RAB36: variants seen among roughly 807,000 people sequenced by gnomAD.
RAB36 encodes RAB36, member RAS oncogene family.
RAB36 carries 33 observed loss-of-function variants against 39.3 expected under a neutral mutation model. The ratio of observed to expected loss-of-function variants is 0.84; its 90% CI spans 0.64 to 1.12. The LOEUF (loss-of-function observed/expected upper bound fraction) is 1.12, where lower values mean the gene tolerates loss of function less well. RAB36 is among the 50% of genes most tolerant of loss of function. RAB36 has a pLI of 0.00. For synonymous variants in RAB36, 133 were observed against 140.2 expected (o/e 0.95, Z 0.36); for missense variants, 308 against 355.3 (o/e 0.87, Z 1.07).
At chr22:23,145,583 C>T (rs941705257) in intron 1 of RAB36, 32 bp downstream of exon 1, 5 of 1,582,102 alleles carry the variant, frequency 3.2e-6, no homozygotes, top group East Asian at 2.3e-5. Flanking sequence ...GTCCGACCCT[C>T]CCGGTCACCC....
rs1281102860 is a variant in RAB36, at chr22:23,160,947, C to G, written c.688C>G (p.Leu230Val). The G allele has an allele frequency of 3.7e-6, 6 of 1,613,758 alleles. No homozygotes were observed. The highest frequency in any genetic ancestry group is 5.1e-6 in the Non-Finnish European group (6 of 1,179,840). The change falls in exon 10 of 11, where the codon CTG becomes GTG. Residue 230 changes from leucine (L) to valine (V), a missense_variant. Leu to Val is a conservative substitution (Grantham distance 32). Transcript: ENST00000263116. ...ATTCGAGCAGTCGGTGCTGCAGGAC[C>G]TGGAGAGGCAGAGCAGTGCCCGGCT... ...LAFEQSVLQDLERQSSARLQV... is the reference protein window; with the variant it reads ...LAFEQSVLQDVERQSSARLQV...
intron 2 of RAB36, among the ~76,000 whole-genome samples, chr22:23,149,656 GC>G (rs1386965399): frequency 1.3e-5 from 2 of 152,210 alleles, no homozygotes; most frequent in Non-Finnish European, 2.9e-5. Context: ...TTCCACCTCA[GC>G]CTCCTCAGTA....
chr22:23,169,135 T>C (rs773464228), downstream of RAB36, among the ~76,000 whole-genome samples: 3 of 152,198 alleles, frequency 2.0e-5, no homozygotes, highest in Non-Finnish European at 4.4e-5. Flanking sequence ...GGCCCAGGTC[T>C]GGAAGGGAAG....
In RAB36 at chr22:23,164,505, C is replaced by T. The variant is rs995198446; in HGVS notation, c.*2941C>T. 1.3e-5 allele frequency among the ~76,000 whole-genome samples: 2 copies of T among 152,158 alleles called. No homozygotes were observed. Among genetic ancestry groups the T allele is most frequent in the East Asian group, 1.9e-4 (1 of 5,188 alleles). On this transcript the variant is annotated 3_prime_UTR_variant, in exon 11 of 11. Transcript: ENST00000263116. ...ACCCCAAGTTGATGCAGCATCTTCTCGGTCAGAATTGCTTCAGGGTGGTTT... is the reference window on the plus strand; with the variant it reads ...ACCCCAAGTTGATGCAGCATCTTCTTGGTCAGAATTGCTTCAGGGTGGTTT...
rs373643310 is a variant in RAB36 at position 23,156,051 on chromosome 22, C to T, written c.394+19C>T. ...GCCCAGGGTGAGCAACATGCCACGTCGGGGCTCAACTGCATGCAGCAGCGG... is the reference window on the plus strand; with the variant it reads ...GCCCAGGGTGAGCAACATGCCACGTTGGGGCTCAACTGCATGCAGCAGCGG... On this transcript the variant is annotated intron_variant, in intron 6 of 10. Transcript: ENST00000263116. 2.9e-5 allele frequency: 47 copies of T among 1,604,794 alleles called. No individual in the cohort carries two copies. In the Middle Eastern group the frequency reaches 6.6e-4, roughly 23 times the overall value.
At chr22:23,146,148 T>C in intron 1 of RAB36, 1 of 385,838 alleles carries the variant, frequency 2.6e-6, no homozygotes. Context: ...GCCTGCTGTA[T>C]GCAGATTGAG....
chr22:23,166,363 G>A, downstream of RAB36, among the ~76,000 whole-genome samples: 1 of 147,392 alleles, frequency 6.8e-6, no homozygotes, highest in African/African-American at 2.5e-5. Context: ...CCAATATGGG[G>A]GGGTGGGGTG....
Position 23,163,163 on chromosome 22 carries a change from G to A in RAB36, c.*1599G>A, listed in dbSNP as rs1487275528. ...TGATCTCAGGTGACCTGCCCACCTC[G>A]GCCTCCCGAAGTGCTGGGATTACAA... On this transcript the variant is annotated 3_prime_UTR_variant, in exon 11 of 11. Coordinates refer to ENST00000263116, the MANE Select transcript of RAB36 (RefSeq NM_004914.5). 2 of 167,616 alleles carry A rather than the reference G, an allele frequency of 1.2e-5. No homozygotes were observed. Among genetic ancestry groups the A allele is most frequent in the Non-Finnish European group, 2.6e-5 (2 of 78,048 alleles). 10.4% of individuals were successfully genotyped at this position (167,616 alleles called of 1,614,324 possible).
In RAB36 at chr22:23,162,191, T is replaced by G. The variant is rs2071846871; in HGVS notation, c.*627T>G. 1 of 179,842 alleles carries G rather than the reference T, an allele frequency of 5.6e-6. No individual in the cohort carries two copies. The highest frequency in any genetic ancestry group is 1.2e-5 in the Non-Finnish European group (1 of 85,466). The allele number at this position is 179,842 out of a possible 1,614,324, so 11.1% of individuals were successfully genotyped here. A position where few individuals can be genotyped will look rare whatever the true frequency, so the allele number is the denominator to read the frequency against. ...CCTCTGGAGGACAATGGACAAAATG[T>G]CTCTTAGACCTGTTCTGGCTGAAGG... On this transcript the variant is annotated 3_prime_UTR_variant, in exon 11 of 11. Coordinates refer to ENST00000263116, the MANE Select transcript of RAB36 (RefSeq NM_004914.5).
In RAB36 at chr22:23,146,643, GC is replaced by G. The variant is rs944839458; in HGVS notation, c.32del (p.Pro11LeufsTer2). 11 of 1,614,022 alleles carry G rather than the reference GC, an allele frequency of 6.8e-6. No individual in the cohort carries two copies. Among genetic ancestry groups the G allele is most frequent in the Non-Finnish European group, 9.3e-6 (11 of 1,179,932 alleles). On this transcript the variant is annotated frameshift_variant, in exon 2 of 11. Transcript: ENST00000263116. LOFTEE classifies it high-confidence loss of function. MRSSLTPLG[P>X]PVSRDRVIAS... ...TGAGGTCCTCCCTGACACCTTTGGG[GC>G]CCCCTGTGAGCCGCGACCGTGTCAT...
rs1256887013 is a variant in RAB36 at position 23,153,538 on chromosome 22, TC to T, written c.329+405del. On this transcript the variant is annotated intron_variant, in intron 5 of 10. Coordinates refer to ENST00000263116, the MANE Select transcript of RAB36 (RefSeq NM_004914.5). Reference sequence around the variant, plus strand: ...CTCTGTTCCCACCTGTAAAATGGGGTCAAATCCAGTCCCTGCATGCCAGGCT... The same window carrying T: ...CTCTGTTCCCACCTGTAAAATGGGGTAAATCCAGTCCCTGCATGCCAGGCT... 5.1e-6 allele frequency: 5 copies of T among 983,282 alleles called. No homozygotes were observed. In the African/African-American group the frequency reaches 8.8e-5, roughly 17 times the overall value. The allele number at this position is 983,282 out of a possible 1,614,324, so 60.9% of individuals were successfully genotyped here.
intron 8 of RAB36, 89 bp from the exon 9 acceptor site, chr22:23,159,074 G>A: frequency 6.3e-7 from 1 of 1,586,768 alleles, no homozygotes; most frequent in South Asian, 1.1e-5. Flanking sequence ...GAGGGAGGCA[G>A]CACAGTGGGA....
At chr22:23,166,715 G>A (rs138103310), downstream of RAB36, among the ~76,000 whole-genome samples, 6 of 151,954 alleles carry the variant, frequency 3.9e-5, no homozygotes, top group African/African-American at 1.2e-4. Context: ...AGCCTCACAC[G>A]ATGTTGTTAA....
chr22:23,146,395 G>T (rs1321694180), intron 1 of RAB36, among the ~76,000 whole-genome samples: 1 of 150,268 alleles, frequency 6.7e-6, no homozygotes, highest in Non-Finnish European at 1.5e-5. Flanking sequence ...TTTTTTTGTA[G>T]AGACTGAGGT....
intron 6 of RAB36, among the ~76,000 whole-genome samples, chr22:23,157,466 A>G (rs891197504): frequency 4.6e-5 from 7 of 151,982 alleles, no homozygotes; most frequent in Non-Finnish European, 1.0e-4. Context: ...TCACTGTGTT[A>G]GCCAGGATGG....
intron 9 of RAB36, among the ~76,000 whole-genome samples, chr22:23,160,554 G>A (rs2146594017): frequency 6.6e-6 from 1 of 152,344 alleles, no homozygotes; most frequent in East Asian, 1.9e-4. Flanking sequence ...TCCAACACTT[G>A]GGCCATAGTA....
In RAB36 at chr22:23,161,688, C is replaced by G; in HGVS notation, c.*124C>G. ...CGCCCTCAAGCTGTAGGCCCATGTT[C>G]CAGTCCCTCCACCCACCCACCGGGC... On this transcript the variant is annotated 3_prime_UTR_variant, in exon 11 of 11. Coordinates refer to ENST00000263116, the MANE Select transcript of RAB36 (RefSeq NM_004914.5). 5.0e-6 allele frequency: 4 copies of G among 802,626 alleles called. No individual in the cohort carries two copies. In the South Asian group the frequency reaches 7.0e-5, roughly 14 times the overall value. 49.7% of individuals were successfully genotyped at this position (802,626 alleles called of 1,614,324 possible).
rs1362036859 is a variant in RAB36 at position 23,162,723 on chromosome 22, C to T, written c.*1159C>T. The T allele has an allele frequency of 2.2e-6, 1 of 456,248 alleles. No homozygotes were observed. Among genetic ancestry groups the T allele is most frequent in the Admixed American group, 2.3e-5 (1 of 42,576 alleles). 28.3% of individuals were successfully genotyped at this position (456,248 alleles called of 1,614,324 possible). A position where few individuals can be genotyped will look rare whatever the true frequency, so the allele number is the denominator to read the frequency against. On this transcript the variant is annotated 3_prime_UTR_variant, in exon 11 of 11. Coordinates refer to ENST00000263116, the MANE Select transcript of RAB36 (RefSeq NM_004914.5). Reference sequence around the variant, plus strand: ...TCATCCCACCCGTCTCGTGCTGTTGCTTCCCGTAGATGGCGAGCACCTTGC... The same window carrying T: ...TCATCCCACCCGTCTCGTGCTGTTGTTTCCCGTAGATGGCGAGCACCTTGC...
In RAB36 at chr22:23,162,591, C is replaced by T. The variant is rs533673884; in HGVS notation, c.*1027C>T. 1.3e-5 allele frequency: 6 copies of T among 454,324 alleles called. No homozygotes were observed. The Admixed American group carries it at 1.4e-4, about 11-fold the overall frequency. The allele number at this position is 454,324 out of a possible 1,614,324, so 28.1% of individuals were successfully genotyped here. A position where few individuals can be genotyped will look rare whatever the true frequency, so the allele number is the denominator to read the frequency against. ...GCACATGCAGAGCAGACAGAAATAC[C>T]CCACACATTCCCCAGCCTCTCTGCC... On this transcript the variant is annotated 3_prime_UTR_variant, in exon 11 of 11. Coordinates refer to ENST00000263116, the MANE Select transcript of RAB36 (RefSeq NM_004914.5).
Sources: allele counts gnomAD v4.1 joint callset (sites outside exome capture counted in the v4.1 genomes callset), GRCh38; gene constraint gnomAD v4.1.1; transcripts MANE v1.5; gene names NCBI Gene and HGNC (gene_info 2026-07-23, HGNC 2026-07-21).